Variants in GALNT9 observed in about 807,000 individuals in gnomAD.
GALNT9 encodes the protein polypeptide N-acetylgalactosaminyltransferase 9, also known as GalNAc transferase 9.
GALNT9 carries 47 observed loss-of-function variants against 63.1 expected under a neutral mutation model. The observed-to-expected ratio is 0.75, with a 90% CI of 0.59 to 0.95. GALNT9 has a LOEUF of 0.95. Among genes scored for constraint, GALNT9 ranks in the 40% least tolerant of loss-of-function variants. GALNT9 has a pLI of 0.00. For synonymous variants in GALNT9, 396 were observed against 365.7 expected (o/e 1.08, Z -0.94); for missense variants, 829 against 874.8 (o/e 0.95, Z 0.66).
rs573466460 is a variant in GALNT9, at chr12:132,203,171, G to A, written c.1263+334C>T. ...GGTGCTGTGCAGGGCACTAAGTGGG[G>A]CCCTGGCTGAGGCGGCGGCACCAGG... On this transcript the variant is annotated intron_variant, in intron 7 of 10. Coordinates refer to ENST00000328957, the MANE Select transcript of GALNT9 (RefSeq NM_001122636.2). 2.0e-5 allele frequency among the ~76,000 whole-genome samples: 3 copies of A among 152,304 alleles called. No individual in the cohort carries two copies. In the South Asian group the frequency reaches 6.2e-4, roughly 32 times the overall value.
At chr12:132,201,413 AC>A in intron 7 of GALNT9, 152 bp from the exon 8 acceptor site, 2 of 588,348 alleles carry the variant, frequency 3.4e-6, no homozygotes, top group Non-Finnish European at 3.0e-6. Context: ...TCCAGTTGGG[AC>A]CCCCCAGCCT....
chr12:132,253,523 A>G (rs28626739), intron 5 of GALNT9, among the ~76,000 whole-genome samples: 27,738 of 146,478 alleles, frequency 0.19, 2,909 homozygotes, highest in Middle Eastern at 0.36. Flanking sequence ...TTATTCCTAG[A>G]TTATATTAGT....
At chr12:132,304,437 C>T (rs1881476191) in intron 1 of GALNT9, among the ~76,000 whole-genome samples, 1 of 53,812 alleles carries the variant, frequency 1.9e-5, no homozygotes, top group African/African-American at 7.3e-5. Context: ...ACAGCCTCGC[C>T]CGGGCACACC....
At chr12:132,243,726 G>A (rs1273823210) in intron 6 of GALNT9, among the ~76,000 whole-genome samples, 4 of 152,046 alleles carry the variant, frequency 2.6e-5, no homozygotes, top group Admixed American at 1.3e-4. Flanking sequence ...CGTGTCCATC[G>A]TGGCTCTCCC....
intron 1 of GALNT9, among the ~76,000 whole-genome samples, chr12:132,318,885 G>T (rs1253875734): frequency 6.6e-6 from 1 of 152,218 alleles, no homozygotes; most frequent in Non-Finnish European, 1.5e-5. Context: ...GGCTGGCTAG[G>T]TGCTCAGAGA....
chr12:132,215,469 C>T (rs1188999444), intron 6 of GALNT9, among the ~76,000 whole-genome samples: 3 of 152,264 alleles, frequency 2.0e-5, no homozygotes, highest in Admixed American at 6.5e-5. Flanking sequence ...ACGGAGAGCA[C>T]AAGCAGCTCC....
At chr12:132,261,198 G>A (rs908798147) in intron 3 of GALNT9, 76 bp from the exon 4 acceptor site, 29 of 1,531,814 alleles carry the variant, frequency 1.9e-5, no homozygotes, top group Non-Finnish European at 2.5e-5. Context: ...GGCTGGAAAT[G>A]CTGCGTGCCG....
chr12:132,315,548 G>A lies in GALNT9; in HGVS notation c.238+13418C>T, dbSNP rs1466051556. Reference sequence around the variant, plus strand: ...CCGGAGCTGCACGCAGAGCTGATGCGACTGAACTATTCTGTGGAAAGTAAA... The same window carrying A: ...CCGGAGCTGCACGCAGAGCTGATGCAACTGAACTATTCTGTGGAAAGTAAA... On this transcript the variant is annotated intron_variant, in intron 1 of 10. Coordinates refer to ENST00000328957, the MANE Select transcript of GALNT9 (RefSeq NM_001122636.2). This position sits in a 1 kb window ranked among gnomAD's most constrained non-coding sequence, Gnocchi z 6.1. 1.3e-5 allele frequency among the ~76,000 whole-genome samples: 2 copies of A among 152,208 alleles called. No homozygotes were observed. The highest frequency in any genetic ancestry group is 1.9e-4 in the East Asian group (1 of 5,204).
chr12:132,309,799 C>T (rs28575650), intron 1 of GALNT9, among the ~76,000 whole-genome samples: 2,496 of 152,300 alleles, frequency 0.016, 62 homozygotes, highest in African/African-American at 0.052. Context: ...CACCAAGAAT[C>T]GCACAGGAGG....
chr12:132,258,220 C>A (rs937431266), intron 4 of GALNT9, among the ~76,000 whole-genome samples: 3 of 152,198 alleles, frequency 2.0e-5, no homozygotes, highest in Non-Finnish European at 4.4e-5. Context: ...CACCACGGGG[C>A]TCCCCAGCTC....
At chr12:132,304,329 A>G (rs1219783783) in intron 1 of GALNT9, among the ~76,000 whole-genome samples, 1 of 83,622 alleles carries the variant, frequency 1.2e-5, no homozygotes, top group African/African-American at 5.3e-5. Flanking sequence ...AATCGCCCAG[A>G]CACACCCTCG....
At chr12:132,259,666 G>A (rs1460617536) in intron 4 of GALNT9, among the ~76,000 whole-genome samples, 1 of 152,080 alleles carries the variant, frequency 6.6e-6, no homozygotes, top group Non-Finnish European at 1.5e-5. Context: ...GCCCCAAAAC[G>A]CCAGGTTCCC....
chr12:132,255,636 T>C (rs1555238971), intron 5 of GALNT9, among the ~76,000 whole-genome samples: 1 of 152,224 alleles, frequency 6.6e-6, no homozygotes, highest in Non-Finnish European at 1.5e-5. Context: ...TTTCAACCAA[T>C]TACCAATCAG....
intron 6 of GALNT9, among the ~76,000 whole-genome samples, chr12:132,229,261 T>G (rs1433894554): frequency 6.6e-6 from 1 of 152,186 alleles, no homozygotes; most frequent in African/African-American, 2.4e-5. Context: ...CCACCGCAGG[T>G]GGAGCCCACG....
chr12:132,299,951 T>A (rs1371884520), intron 1 of GALNT9, among the ~76,000 whole-genome samples: 3 of 132,612 alleles, frequency 2.3e-5, no homozygotes, highest in Non-Finnish European at 4.8e-5. Flanking sequence ...CCCACTCCCA[T>A]GATAACTAAC....
Position 132,209,504 on chromosome 12 carries a change from C to T in GALNT9, c.1078-5814G>A, listed in dbSNP as rs753286492. Among the ~76,000 whole-genome samples, 14 of 152,140 alleles carry T rather than the reference C, an allele frequency of 9.2e-5. No individual in the cohort carries two copies. The South Asian group carries it at 1.7e-3, about 18-fold the overall frequency. ...AGCAAAGGTTGCAGTGAGCCGAGAT[C>T]GCACCATTGCACTCCAGCCTGAGTG... On this transcript the variant is annotated intron_variant, in intron 6 of 10. Coordinates refer to ENST00000328957, the MANE Select transcript of GALNT9 (RefSeq NM_001122636.2).
chr12:132,281,667 T>C (rs1341827478), intron 2 of GALNT9, among the ~76,000 whole-genome samples: 1 of 152,228 alleles, frequency 6.6e-6, no homozygotes, highest in Non-Finnish European at 1.5e-5. Context: ...TGGCCACTTC[T>C]GCCAGACTTT....
Position 132,296,483 on chromosome 12 carries a change from G to A in GALNT9, c.239-10053C>T, listed in dbSNP as rs1409140440. 6.6e-6 allele frequency among the ~76,000 whole-genome samples: 1 copy of A among 152,140 alleles called. No homozygotes were observed. The highest frequency in any genetic ancestry group is 1.5e-5 in the Non-Finnish European group (1 of 68,014). On this transcript the variant is annotated intron_variant, in intron 1 of 10. Coordinates refer to ENST00000328957, the MANE Select transcript of GALNT9 (RefSeq NM_001122636.2). This position sits in a 1 kb window ranked among gnomAD's most constrained non-coding sequence, Gnocchi z 4.2. ...TTTGAAATCCCAGCTTCCTCCTCCA[G>A]ACAGAATCAACACTGCAAGCTTGTC...
chr12:132,196,948 C>T lies in GALNT9; in HGVS notation c.*159G>A, dbSNP rs1267846186. ...TACTCCAGATGCAGTGGGTGACACC[C>T]TGGTCACTCAGCCACACCCCGGCCC... On this transcript the variant is annotated 3_prime_UTR_variant, in exon 11 of 11. Coordinates refer to ENST00000328957, the MANE Select transcript of GALNT9 (RefSeq NM_001122636.2). The T allele has an allele frequency of 5.0e-5, 73 of 1,469,124 alleles. No homozygotes were observed. Among genetic ancestry groups the T allele is most frequent in the Non-Finnish European group, 6.1e-5 (68 of 1,115,086 alleles). 91.0% of individuals were successfully genotyped at this position (1,469,124 alleles called of 1,614,324 possible). A position where few individuals can be genotyped will look rare whatever the true frequency, so the allele number is the denominator to read the frequency against.
Sources: allele counts gnomAD v4.1 joint callset (sites outside exome capture counted in the v4.1 genomes callset), GRCh38; gene constraint gnomAD v4.1.1; non-coding constraint Gnocchi (gnomAD v3.1); transcripts MANE v1.5; gene names NCBI Gene and HGNC (gene_info 2026-07-23, HGNC 2026-07-21).